The following TAS2R1 variants were observed in gnomAD, a reference collection of about 807,000 sequenced individuals.
The protein encoded by TAS2R1 is taste receptor type 2 member 1.
For synonymous variants in TAS2R1, 141 were observed against 134.2 expected (o/e 1.05, Z -0.35); for missense variants, 370 against 353.4 (o/e 1.05, Z -0.38).
At chr5:9,839,097 A>G in the TAS2R1 span, among the ~76,000 whole-genome samples, 1 of 152,224 alleles carries the variant, frequency 6.6e-6, no homozygotes, top group African/African-American at 2.4e-5. Context: ...ACAGTGATGA[A>G]GCCTGAGCTG....
chr5:9,651,180 C>T (rs910652732), intron 2 of TAS2R1, among the ~76,000 whole-genome samples: 1 of 152,162 alleles, frequency 6.6e-6, no homozygotes, highest in Non-Finnish European at 1.5e-5. Flanking sequence ...TCCTTTCAGA[C>T]AGATGCTCTC....
At chr5:9,787,972 A>G in the TAS2R1 span, among the ~76,000 whole-genome samples, 1 of 152,216 alleles carries the variant, frequency 6.6e-6, no homozygotes, top group African/African-American at 2.4e-5. Context: ...TCTCAAGCTC[A>G]ATGTGGCACA....
At chr5:9,640,595 C>T (rs1379634690) in intron 2 of TAS2R1, among the ~76,000 whole-genome samples, 1 of 147,684 alleles carries the variant, frequency 6.8e-6, no homozygotes, top group Non-Finnish European at 1.5e-5. Context: ...AAGCCAAGAA[C>T]TCTCAGAAAA....
At chr5:9,783,213 TTG>T in the TAS2R1 span, among the ~76,000 whole-genome samples, 1 of 152,212 alleles carries the variant, frequency 6.6e-6, no homozygotes, top group African/African-American at 2.4e-5. Flanking sequence ...CATTACAACA[TTG>T]TCTCTCTCCT....
At chr5:9,740,523 C>A in the TAS2R1 span, among the ~76,000 whole-genome samples, 6 of 152,196 alleles carry the variant, frequency 3.9e-5, no homozygotes, top group Admixed American at 6.5e-5. Context: ...AACAAAAAGA[C>A]AAATTTACAC....
At chr5:9,693,524 C>CAAAAAAA (rs35262775) in intron 1 of TAS2R1, among the ~76,000 whole-genome samples, 13 of 32,946 alleles carry the variant, frequency 3.9e-4, no homozygotes, top group East Asian at 2.1e-3. Flanking sequence ...AACTCCATCT[C>CAAAAAAA]AAAAAAAAAA....
intron 1 of TAS2R1, among the ~76,000 whole-genome samples, chr5:9,690,264 C>T (rs1408608124): frequency 3.9e-5 from 6 of 152,144 alleles, no homozygotes; most frequent in Non-Finnish European, 8.8e-5. Flanking sequence ...AAATGACTTT[C>T]CTGAAGATGT....
the TAS2R1 span, among the ~76,000 whole-genome samples, chr5:9,720,543 C>T: frequency 6.6e-6 from 1 of 152,184 alleles, no homozygotes; most frequent in Non-Finnish European, 1.5e-5. Flanking sequence ...CAAGGGGAAG[C>T]GAAGTCTGCT....
chr5:9,773,354 C>T, the TAS2R1 span, among the ~76,000 whole-genome samples: 1 of 152,040 alleles, frequency 6.6e-6, no homozygotes, highest in East Asian at 1.9e-4. Flanking sequence ...TCTAGTTACA[C>T]TTACTGTATG....
chr5:9,844,660 T>G, the TAS2R1 span, among the ~76,000 whole-genome samples: 1 of 152,224 alleles, frequency 6.6e-6, no homozygotes, highest in Non-Finnish European at 1.5e-5. Context: ...AGATGCTTTC[T>G]CTGAGTTTGG....
intron 2 of TAS2R1, among the ~76,000 whole-genome samples, chr5:9,657,401 C>T (rs1262634111): frequency 1.3e-5 from 2 of 152,184 alleles, no homozygotes; most frequent in Admixed American, 6.5e-5. Context: ...GTTTCATTTG[C>T]TGTCTACTAA....
At chr5:9,689,837 T>C (rs891334289) in intron 1 of TAS2R1, among the ~76,000 whole-genome samples, 2 of 152,324 alleles carry the variant, frequency 1.3e-5, no homozygotes, top group African/African-American at 4.8e-5. Flanking sequence ...CCTAATAAGA[T>C]GAGTGAGAAT....
At chr5:9,755,138 G>A in the TAS2R1 span, among the ~76,000 whole-genome samples, 1 of 152,134 alleles carries the variant, frequency 6.6e-6, no homozygotes, top group South Asian at 2.1e-4. Context: ...AGCCTAAGAA[G>A]AGTCCTAGAG....
the TAS2R1 span, among the ~76,000 whole-genome samples, chr5:9,849,855 T>C: frequency 1.7e-4 from 26 of 152,308 alleles, no homozygotes; most frequent in Middle Eastern, 3.4e-3. Flanking sequence ...TCTTCCTCTA[T>C]ACCTTTCATG....
At chr5:9,655,381 G>T (rs1740388477) in intron 2 of TAS2R1, among the ~76,000 whole-genome samples, 1 of 151,746 alleles carries the variant, frequency 6.6e-6, no homozygotes, top group South Asian at 2.1e-4. Context: ...ATTTCTGTAG[G>T]ATCAAAAAGA....
intron 1 of TAS2R1, among the ~76,000 whole-genome samples, chr5:9,698,933 C>T (rs547301383): frequency 5.3e-5 from 8 of 152,232 alleles, no homozygotes; most frequent in South Asian, 2.1e-4. Flanking sequence ...AAGCATATAG[C>T]GTATCAAGTA....
At chr5:9,759,978 G>A in the TAS2R1 span, among the ~76,000 whole-genome samples, 1 of 152,094 alleles carries the variant, frequency 6.6e-6, no homozygotes, top group Non-Finnish European at 1.5e-5. Context: ...CCAACAAAAT[G>A]AGAGACAAGA....
At chr5:9,861,015 A>T in the TAS2R1 span, among the ~76,000 whole-genome samples, 1 of 112,642 alleles carries the variant, frequency 8.9e-6, no homozygotes. Flanking sequence ...ACTGACTGTA[A>T]TGGACAATCT....
the TAS2R1 span, among the ~76,000 whole-genome samples, chr5:9,778,623 A>G: frequency 1.3e-5 from 2 of 152,346 alleles, no homozygotes; most frequent in Non-Finnish European, 2.9e-5. Flanking sequence ...TGCACCTTCT[A>G]TGCCAGCACT....
Sources: gnomAD v4.1 joint callset for allele counts (sites outside exome capture counted in the v4.1 genomes callset) on GRCh38, gnomAD v4.1.1 for gene constraint, MANE v1.5 for transcripts, NCBI Gene and HGNC (gene_info 2026-07-23, HGNC 2026-07-21) for gene names.